HEATR4: variants seen among roughly 807,000 people sequenced by gnomAD.
HEATR4 encodes HEAT repeat-containing protein 4.
A neutral mutation model predicts 108.8 loss-of-function variants in HEATR4; 95 were observed. The observed-to-expected ratio is 0.87, with a 90% confidence interval of 0.74 to 1.04. The LOEUF is 1.04. Ranked by LOEUF, HEATR4 falls within the 50% of genes least tolerant of loss-of-function variation. The pLI, the probability that HEATR4 is intolerant of heterozygous loss-of-function variation, is 0.00. For synonymous variants in HEATR4, 443 were observed against 459.4 expected, an observed-to-expected ratio of 0.96 and a Z score of 0.46; for missense variants, 1,152 against 1,253.8, an observed-to-expected ratio of 0.92 and a Z score of 1.23.
Position 73,522,300 on chromosome 14 carries a change from G to A in HEATR4, c.853C>T (p.Pro285Ser). ...VILPPQEKKK[P>S]ELLLPVYYRL... ...TAGTAAACGGGAAGCAGCAGTTCTG[G>A]CTTCTTCTTTTCCTGTGGGGGCAGG... is the stretch of plus-strand genomic sequence containing the variant. The change falls in exon 3 of 18, where the codon CCA becomes TCA. Residue 285 changes from proline (P) to serine (S), a missense_variant. Transcript: ENST00000553558. 6.2e-7 allele frequency: 1 copy of A among 1,614,166 alleles called. No homozygotes were observed. Among genetic ancestry groups the A allele is most frequent in the Non-Finnish European group, 8.5e-7 (1 of 1,180,024 alleles).
chr14:73,546,639 T>C (rs1770125394), intron 1 of HEATR4, among the ~76,000 whole-genome samples: 1 of 115,294 alleles, frequency 8.7e-6, no homozygotes, highest in South Asian at 2.8e-4. Flanking sequence ...GCTTGGATTA[T>C]AGGCATGAGC....
intron 5 of HEATR4, among the ~76,000 whole-genome samples, chr14:73,515,451 G>A (rs1269540398): frequency 1.3e-5 from 2 of 151,918 alleles, no homozygotes; most frequent in Non-Finnish European, 2.9e-5. Context: ...AGGCCAAAGC[G>A]GGTGGATCAC....
At chr14:73,581,741 T>C in the HEATR4 span, 2 of 118,360 alleles carry the variant, frequency 1.7e-5, 1 homozygote, top group Non-Finnish European at 3.4e-5. Flanking sequence ...AGGCAGGATC[T>C]GAACCTGGGG....
At chr14:73,632,941 C>G in the HEATR4 span, among the ~76,000 whole-genome samples, 8 of 151,264 alleles carry the variant, frequency 5.3e-5, no homozygotes, top group African/African-American at 1.9e-4. Flanking sequence ...TTCCAGTCCA[C>G]AGGACAATAG....
At chr14:73,510,083 G>A (rs1409095402) in intron 7 of HEATR4, among the ~76,000 whole-genome samples, 4 of 150,676 alleles carry the variant, frequency 2.7e-5, no homozygotes, top group African/African-American at 4.9e-5. Flanking sequence ...GGATGGTCTC[G>A]ATCTCCTGAC....
At chr14:73,619,118 A>C in the HEATR4 span, 1 of 1,334,334 alleles carries the variant, frequency 7.5e-7, no homozygotes, top group South Asian at 1.5e-5. Context: ...TGACAGAGCG[A>C]GACTCCATCT....
intron 5 of HEATR4, among the ~76,000 whole-genome samples, chr14:73,517,677 A>AG (rs1005776602): frequency 6.7e-5 from 10 of 150,122 alleles, no homozygotes; most frequent in Non-Finnish European, 1.5e-4. Context: ...AAAAAAAAAA[A>AG]AAAAGAAGAA....
In HEATR4 at chr14:73,496,675, T is replaced by C. The variant is rs1415789461; in HGVS notation, c.2551A>G (p.Met851Val). The change falls in exon 15 of 18, where the codon ATG (methionine) becomes GTG (valine). Residue 851 changes from methionine to valine, a missense_variant. Coordinates refer to ENST00000553558, the MANE Select transcript of HEATR4 (RefSeq NM_001220484.1). Reference protein sequence around the residue: ...LENHDAVLKEMYQTMKILNLG... With the variant: ...LENHDAVLKEVYQTMKILNLG... Reference sequence around the variant, plus strand: ...TTGAGTATCTTCATTGTCTGGTACATTTCTCTGAAAGATAAGAAGGGCTTC... The same window carrying C: ...TTGAGTATCTTCATTGTCTGGTACACTTCTCTGAAAGATAAGAAGGGCTTC... 1.3e-6 allele frequency: 2 copies of C among 1,562,128 alleles called. No individual in the cohort carries two copies. Among genetic ancestry groups the C allele is most frequent in the African/African-American group, 1.4e-5 (1 of 73,600 alleles).
chr14:73,633,118 C>T, the HEATR4 span, among the ~76,000 whole-genome samples: 1 of 151,312 alleles, frequency 6.6e-6, no homozygotes, highest in Non-Finnish European at 1.5e-5. Context: ...GATTCTCTCG[C>T]CTCAGCCTCC....
chr14:73,622,987 G>A, the HEATR4 span, among the ~76,000 whole-genome samples: 1 of 151,952 alleles, frequency 6.6e-6, no homozygotes, highest in East Asian at 1.9e-4. Context: ...TCGGCTCACT[G>A]CAACATCCGC....
chr14:73,509,728 G>A (rs931100956), intron 7 of HEATR4, among the ~76,000 whole-genome samples: 10 of 146,410 alleles, frequency 6.8e-5, no homozygotes, highest in East Asian at 2.0e-4. Flanking sequence ...TATTTAAGCC[G>A]AAGAAGAATG....
chr14:73,523,098 G>A lies in HEATR4; in HGVS notation c.55C>T (p.Leu19=). ...TFLPHCFYQS[L]PPRLGWGMIL... ...ATGCCCCATCCCAGTCGTGGGGGCAGTGACTGATAGAAGCAATGGGGGAGA... is the reference window on the plus strand; with the variant it reads ...ATGCCCCATCCCAGTCGTGGGGGCAATGACTGATAGAAGCAATGGGGGAGA... The change falls in exon 3 of 18, where the codon CTG becomes TTG. Residue 19 remains leucine (L), a synonymous_variant. Transcript: ENST00000553558. The A allele has an allele frequency of 6.2e-7, 1 of 1,610,790 alleles. No homozygotes were observed. Among genetic ancestry groups the A allele is most frequent in the Non-Finnish European group, 8.5e-7 (1 of 1,179,986 alleles).
At chr14:73,531,192 G>C (rs1888686752) in intron 1 of HEATR4, 1 of 113,456 alleles carries the variant, frequency 8.8e-6, no homozygotes, top group South Asian at 2.8e-4. Flanking sequence ...AGAGAAGCAA[G>C]GTTCTGCATC....
rs573672130 is a variant in HEATR4, at chr14:73,546,517, C to G, written c.-152+12234G>C. Among the ~76,000 whole-genome samples, 4 of 112,744 alleles carry G rather than the reference C, an allele frequency of 3.5e-5. 1 individual carries two copies. The highest frequency in any genetic ancestry group is 1.1e-4 in the African/African-American group (4 of 34,846). 74.0% of individuals were successfully genotyped at this position (112,744 alleles called of 152,430 possible). On this transcript the variant is annotated intron_variant, in intron 1 of 17. Transcript: ENST00000553558. ...TAGCTGGGACTGCAGACACATGTCA[C>G]CATGGACAGCTAATTTTTGTATTTT...
the HEATR4 span, among the ~76,000 whole-genome samples, chr14:73,618,535 T>C: frequency 1.4e-5 from 2 of 146,998 alleles, no homozygotes; most frequent in African/African-American, 5.5e-5. Flanking sequence ...TATGTCACTT[T>C]CCAGTACAGA....
chr14:73,498,563 GA>G (rs750093711), intron 13 of HEATR4, among the ~76,000 whole-genome samples: 4 of 152,172 alleles, frequency 2.6e-5, no homozygotes, highest in Non-Finnish European at 4.4e-5. Flanking sequence ...CCTATTTTGG[GA>G]TGAAATATAG....
At chr14:73,535,780 C>G (rs1888849427) in intron 1 of HEATR4, among the ~76,000 whole-genome samples, 1 of 114,696 alleles carries the variant, frequency 8.7e-6, no homozygotes, top group African/African-American at 2.8e-5. Context: ...CGCCTGGCCC[C>G]TTTTTCTTGT....
Position 73,541,344 on chromosome 14 carries a change from G to A in HEATR4, c.-151-11100C>T, listed in dbSNP as rs540209126. 1.5e-5 allele frequency: 11 copies of A among 710,690 alleles called. 2 individuals carry two copies. The highest frequency in any genetic ancestry group is 3.2e-5 in the Admixed American group (1 of 31,670). The allele number at this position is 710,690 out of a possible 1,614,324, so 44.0% of individuals were successfully genotyped here. A position where few individuals can be genotyped will look rare whatever the true frequency, so the allele number is the denominator to read the frequency against. ...AAACACTTGCCAGAAGTTTCTGGAC[G>A]AACACAGGTTTTCATTTCTCGTGGG... On this transcript the variant is annotated intron_variant, in intron 1 of 17. Transcript: ENST00000553558.
rs147537595 is a variant in HEATR4 at position 73,548,470 on chromosome 14, T to G, written c.-152+10281A>C. Among the ~76,000 whole-genome samples the G allele has an allele frequency of 3.1e-4, 36 of 114,744 alleles. 9 individuals carry two copies. Among genetic ancestry groups the G allele is most frequent in the East Asian group, 1.4e-3 (2 of 1,410 alleles). The allele number at this position is 114,744 out of a possible 152,430, so 75.3% of individuals were successfully genotyped here. A position where few individuals can be genotyped will look rare whatever the true frequency, so the allele number is the denominator to read the frequency against. Reference sequence around the variant, plus strand: ...CTGGTGAAGGAGCCAGTGCCATCATTGTGGCTAGAGGTGTCTGGTCCATAT... The same window carrying G: ...CTGGTGAAGGAGCCAGTGCCATCATGGTGGCTAGAGGTGTCTGGTCCATAT... On this transcript the variant is annotated intron_variant, in intron 1 of 17. Coordinates refer to ENST00000553558, the MANE Select transcript of HEATR4 (RefSeq NM_001220484.1).
Sources: gnomAD v4.1 joint callset for allele counts (sites outside exome capture counted in the v4.1 genomes callset) on GRCh38, gnomAD v4.1.1 for gene constraint, MANE v1.5 for transcripts, NCBI Gene and HGNC (gene_info 2026-07-23, HGNC 2026-07-21) for gene names.